Variants in KIAA0753 observed in about 807,000 individuals in gnomAD.
KIAA0753 encodes KIAA0753.
A neutral mutation model predicts 116.9 loss-of-function variants in KIAA0753; 114 were observed. That is an observed-to-expected ratio of 0.98 (90% CI 0.84 to 1.14). The LOEUF is 1.14. KIAA0753 is among the 50% of genes most tolerant of loss of function. The pLI, the probability that KIAA0753 is intolerant of heterozygous loss-of-function variation, is 0.00. For synonymous variants in KIAA0753, 405 were observed against 413.1 expected (o/e 0.98, Z 0.24); for missense variants, 1,156 against 1,172.4 (o/e 0.99, Z 0.20).
chr17:6,626,963 C>T (rs1375302550), intron 3 of KIAA0753, among the ~76,000 whole-genome samples: 1 of 152,136 alleles, frequency 6.6e-6, no homozygotes, highest in East Asian at 1.9e-4. Flanking sequence ...ATGCCACAGG[C>T]TGACACTAAG....
chr17:6,614,720 T>C (rs925366824), intron 7 of KIAA0753, among the ~76,000 whole-genome samples: 1 of 152,206 alleles, frequency 6.6e-6, no homozygotes, highest in Non-Finnish European at 1.5e-5. Flanking sequence ...CTGGTTTCAC[T>C]TTCCTCAGTT....
intron 2 of KIAA0753, among the ~76,000 whole-genome samples, 179 bp from the exon 3 acceptor site, chr17:6,628,920 C>G (rs752701017): frequency 1.3e-5 from 2 of 152,204 alleles, no homozygotes; most frequent in Non-Finnish European, 2.9e-5. Context: ...TCACATACCC[C>G]TGGTTCTATC....
chr17:6,607,371 C>G, intron 10 of KIAA0753, 101 bp from the exon 11 acceptor site: 1 of 886,534 alleles, frequency 1.1e-6, no homozygotes, highest in South Asian at 1.4e-5. Context: ...CAGAGCAGAG[C>G]ACCAATCCAG....
At chr17:6,612,231 G>A in intron 7 of KIAA0753, 83 bp from the exon 8 acceptor site, 1 of 1,002,214 alleles carries the variant, frequency 1.0e-6, no homozygotes, top group South Asian at 1.5e-5. Flanking sequence ...CACACAGATA[G>A]GCTCCAAATA....
chr17:6,586,629 T>C (rs1968599996), intron 18 of KIAA0753, among the ~76,000 whole-genome samples: 1 of 152,260 alleles, frequency 6.6e-6, no homozygotes, highest in African/African-American at 2.4e-5. Context: ...CATTCATCTG[T>C]CCTTTTCAAC....
chr17:6,585,215 A>G (rs1968482387), intron 18 of KIAA0753, among the ~76,000 whole-genome samples: 2 of 152,236 alleles, frequency 1.3e-5, no homozygotes, highest in Admixed American at 1.3e-4. Context: ...TAAAAACAAT[A>G]TGCCATTCTC....
At chr17:6,605,058 G>A (rs1970105180) in intron 12 of KIAA0753, among the ~76,000 whole-genome samples, 1 of 149,020 alleles carries the variant, frequency 6.7e-6, no homozygotes. Context: ...GACCAGCCTG[G>A]GCAACATAGT....
intron 16 of KIAA0753, among the ~76,000 whole-genome samples, chr17:6,591,736 C>G (rs1969079942): frequency 6.6e-6 from 1 of 152,224 alleles, no homozygotes; most frequent in African/African-American, 2.4e-5. Flanking sequence ...AACTTTGTGG[C>G]CAGTGGCCAA....
chr17:6,594,099 A>G (rs920851653), intron 16 of KIAA0753, among the ~76,000 whole-genome samples: 6 of 152,236 alleles, frequency 3.9e-5, no homozygotes. Flanking sequence ...TTTATCCAAG[A>G]GAAAAACTTA....
chr17:6,593,288 C>T (rs549804734), intron 16 of KIAA0753, among the ~76,000 whole-genome samples: 46 of 152,274 alleles, frequency 3.0e-4, no homozygotes, highest in Non-Finnish European at 5.6e-4. Context: ...GTAACTCTAG[C>T]ACTTCGGGAG....
chr17:6,613,318 A>G (rs1970675587), intron 7 of KIAA0753, among the ~76,000 whole-genome samples: 1 of 152,250 alleles, frequency 6.6e-6, no homozygotes, highest in South Asian at 2.1e-4. Context: ...ATGAATGAAA[A>G]GACCATAAAG....
intron 7 of KIAA0753, among the ~76,000 whole-genome samples, chr17:6,617,530 G>C (rs748769301): frequency 1.3e-5 from 2 of 152,198 alleles, no homozygotes; most frequent in Admixed American, 6.5e-5. Context: ...AGCACTAGGG[G>C]TGCTAGGTTC....
At chr17:6,610,286 G>A in intron 8 of KIAA0753, 126 bp from the exon 9 acceptor site, 5 of 780,098 alleles carry the variant, frequency 6.4e-6, no homozygotes, top group African/African-American at 2.1e-5. Flanking sequence ...AACCTGAGTA[G>A]AAAGCACTGT....
At position 6,628,404 on chromosome 17, in the gene KIAA0753, A is replaced by C. The variant is rs747339578; in HGVS notation, c.431T>G (p.Val144Gly). Residue 144 changes from valine (V) to glycine (G), a missense_variant, in exon 3 of 19, where the codon GTG becomes GGG. Physicochemically the swap from Val to Gly is moderately radical, Grantham distance 109 (BLOSUM62 -3). Coordinates refer to ENST00000361413, the MANE Select transcript of KIAA0753 (RefSeq NM_014804.3). ...HTKYKIPDHR[V>G]ERKESKSQAA... Reference sequence around the variant, plus strand: ...TTGACTCTTTGATTCCTTCCTTTCCACCCTGTGGTCGGGTATTTTATACTT... The same window carrying C: ...TTGACTCTTTGATTCCTTCCTTTCCCCCCTGTGGTCGGGTATTTTATACTT... The C allele has an allele frequency of 2.5e-6, 4 of 1,613,704 alleles. No homozygotes were observed. The highest frequency in any genetic ancestry group is 2.5e-6 in the Non-Finnish European group (3 of 1,179,932).
intron 2 of KIAA0753, among the ~76,000 whole-genome samples, chr17:6,630,025 G>T (rs148597408): frequency 1.4e-3 from 208 of 152,268 alleles, no homozygotes; most frequent in African/African-American, 4.9e-3. Context: ...AGGAGGCTGA[G>T]ACACAAGAAT....
intron 1 of KIAA0753, 45 bp from the exon 2 acceptor site, chr17:6,635,216 G>C: frequency 1.3e-6 from 1 of 752,812 alleles, no homozygotes; most frequent in Non-Finnish European, 2.3e-6. Context: ...GTTGAACAAG[G>C]GAAAAGAACA....
At chr17:6,611,824 T>C (rs182021961) in intron 8 of KIAA0753, 95 bp downstream of exon 8, 7 of 934,750 alleles carry the variant, frequency 7.5e-6, no homozygotes, top group Non-Finnish European at 1.2e-5. Context: ...CAGCATCCAA[T>C]TGCCTGAGAA....
chr17:6,597,518 T>C (rs922862181), intron 14 of KIAA0753, among the ~76,000 whole-genome samples: 1 of 152,190 alleles, frequency 6.6e-6, no homozygotes, highest in Non-Finnish European at 1.5e-5. Flanking sequence ...TAGAACAGCA[T>C]ATGGCACCTG....
intron 7 of KIAA0753, among the ~76,000 whole-genome samples, chr17:6,619,721 C>T (rs1473321289): frequency 6.6e-6 from 1 of 152,070 alleles, no homozygotes; most frequent in Non-Finnish European, 1.5e-5. Context: ...GCCACCACAC[C>T]CAACTTGTAT....
Sources: allele counts gnomAD v4.1 joint callset (sites outside exome capture counted in the v4.1 genomes callset), GRCh38; gene constraint gnomAD v4.1.1; transcripts MANE v1.5; gene names NCBI Gene and HGNC (gene_info 2026-07-23, HGNC 2026-07-21).